The following RTBDN variants were observed in gnomAD, a reference collection of about 807,000 sequenced individuals.
RTBDN encodes the protein retbindin.
In RTBDN, 24 loss-of-function variants were observed where a neutral mutation model predicts 21.9. The ratio of observed to expected loss-of-function variants is 1.10; its 90% CI spans 0.79 to 1.54. RTBDN has a LOEUF of 1.54. Among genes scored for constraint, RTBDN ranks in the 40% most tolerant of loss-of-function variants. The pLI, the probability that RTBDN is intolerant of heterozygous loss-of-function variation, is 0.00. For missense variants in RTBDN, 325 were observed against 315.2 expected, an observed-to-expected ratio of 1.03 and a Z score of -0.23; for synonymous variants, 141 against 125.9, an observed-to-expected ratio of 1.12 and a Z score of -0.80.
intron 4 of RTBDN, 125 bp from the exon 5 acceptor site, chr19:12,826,996 A>C: frequency 1.5e-6 from 1 of 668,248 alleles, no homozygotes; most frequent in Non-Finnish European, 2.7e-6. Context: ...TTTTAGAACC[A>C]CTCCCCTGCT....
intron 1 of RTBDN, among the ~76,000 whole-genome samples, chr19:12,831,671 A>G (rs1599563408): frequency 6.6e-6 from 1 of 152,332 alleles, no homozygotes; most frequent in South Asian, 2.1e-4. Context: ...GTTCCACTGC[A>G]CTCCAGCCTG....
chr19:12,825,833 G>A lies in RTBDN; in HGVS notation c.563C>T (p.Ala188Val), dbSNP rs372483632. 5.6e-6 allele frequency: 9 copies of A among 1,613,418 alleles called. No homozygotes were observed. In the African/African-American group the frequency reaches 1.2e-4, roughly 22 times the overall value. ...TCGTCCTGGTCTGGGACGAGGTACC[G>A]CGGAGATGGAGATGTTGAAGCAGTG... is the stretch of plus-strand genomic sequence containing the variant. ...ARHCFNISIS[A>V]VPRPRPGRRG... The change falls in exon 6 of 6, where the codon GCG becomes GTG. Residue 188 changes from alanine to valine, a missense_variant. Transcript: ENST00000674343.
intron 5 of RTBDN, chr19:12,826,505 C>T: frequency 1.1e-6 from 1 of 880,618 alleles, no homozygotes; most frequent in Non-Finnish European, 1.6e-6. Context: ...ACCAGCCTGG[C>T]CAACATGGTG....
chr19:12,834,274 C>A lies in RTBDN; in HGVS notation c.-19+215G>T, dbSNP rs1281251855. Among the ~76,000 whole-genome samples, 2 of 152,176 alleles carry A rather than the reference C, an allele frequency of 1.3e-5. No individual in the cohort carries two copies. The highest frequency in any genetic ancestry group is 2.9e-5 in the Non-Finnish European group (2 of 68,002). On this transcript the variant is annotated intron_variant, in intron 1 of 5. Transcript: ENST00000674343. The surrounding 1 kb of genome is among the most constrained non-coding windows in gnomAD (Gnocchi z 4.7). ...GATCGCCTGAGGGGCGCCTGGCCCGCCCTAGGGGGATGGGGCTGGGGCCGA... is the reference window on the plus strand; with the variant it reads ...GATCGCCTGAGGGGCGCCTGGCCCGACCTAGGGGGATGGGGCTGGGGCCGA...
chr19:12,828,575 A>G (rs1969414985), intron 4 of RTBDN, 82 bp downstream of exon 4: 11 of 1,080,680 alleles, frequency 1.0e-5, no homozygotes, highest in African/African-American at 1.6e-5. Flanking sequence ...TCCCCTTTAC[A>G]CAGAAGGCCA....
In RTBDN at chr19:12,830,916, G is replaced by A. The variant is rs985301054; in HGVS notation, c.-18-919C>T. Among the ~76,000 whole-genome samples, 9 of 149,522 alleles carry A rather than the reference G, an allele frequency of 6.0e-5. No individual in the cohort carries two copies. Among genetic ancestry groups the A allele is most frequent in the Admixed American group, 2.7e-4 (4 of 14,874 alleles). ...GCCTATAGCCTGTGTGTGTTCCCAG[G>A]CACCTGTGTCTTTTGTTTGTGTGGC... is the stretch of plus-strand genomic sequence containing the variant. On this transcript the variant is annotated intron_variant, in intron 1 of 5. Transcript: ENST00000674343. The surrounding 1 kb of genome is among the most constrained non-coding windows in gnomAD (Gnocchi z 4.2).
At chr19:12,826,146 G>T (rs909801590) in intron 5 of RTBDN, 2 of 1,389,592 alleles carry the variant, frequency 1.4e-6, no homozygotes, top group African/African-American at 3.0e-5. Flanking sequence ...TCAGGGTTGG[G>T]GCAGTTGGGG....
upstream of RTBDN, chr19:12,835,081 A>G: frequency 6.2e-7 from 1 of 1,612,578 alleles, no homozygotes; most frequent in Non-Finnish European, 8.5e-7. Flanking sequence ...TCAAACCCTC[A>G]CCTAGGGCTT....
upstream of RTBDN, chr19:12,834,872 G>T: frequency 6.2e-7 from 1 of 1,613,086 alleles, no homozygotes; most frequent in Non-Finnish European, 8.5e-7. This position sits in a 1 kb window ranked among gnomAD's most constrained non-coding sequence, Gnocchi z 4.7. Context: ...GGAAGTTCAG[G>T]GTTAATACGG....
upstream of RTBDN, chr19:12,835,315 C>T (rs931604299): frequency 3.6e-6 from 2 of 556,156 alleles, no homozygotes; most frequent in East Asian, 2.9e-5. Context: ...CCCACATTCT[C>T]TCCGCCTCTC....
chr19:12,826,170 G>C, intron 5 of RTBDN: 1 of 1,378,960 alleles, frequency 7.3e-7, no homozygotes, highest in East Asian at 2.9e-5. Context: ...GCGCAGAGAG[G>C]TCTGTATCAA....
In RTBDN at chr19:12,830,770, T is replaced by A. The variant is rs1377195105; in HGVS notation, c.-18-773A>T. Reference sequence around the variant, plus strand: ...AAGGCTGGCCGACTTGGGGCTGGTGTGTATATATCCTTGTGTTTGTTTTTA... The same window carrying A: ...AAGGCTGGCCGACTTGGGGCTGGTGAGTATATATCCTTGTGTTTGTTTTTA... On this transcript the variant is annotated intron_variant, in intron 1 of 5. Transcript: ENST00000674343. The surrounding 1 kb of genome is among the most constrained non-coding windows in gnomAD (Gnocchi z 4.2). The A allele has an allele frequency of 1.7e-6, 1 of 595,078 alleles. No homozygotes were observed. Among genetic ancestry groups the A allele is most frequent in the Non-Finnish European group, 2.1e-6 (1 of 473,340 alleles). 36.9% of individuals were successfully genotyped at this position (595,078 alleles called of 1,614,324 possible).
In RTBDN at chr19:12,825,656, G is replaced by A; in HGVS notation, c.*50C>T. On this transcript the variant is annotated 3_prime_UTR_variant, in exon 6 of 6. Transcript: ENST00000674343. The stretch of plus-strand genomic sequence containing the variant: ...GGGGTGGGGTTCTGGGTGTCCTGAG[G>A]GGCGGGGCTGGGGGAAGGGTCGCTC... 1 of 1,531,460 alleles carries A rather than the reference G, an allele frequency of 6.5e-7. No homozygotes were observed. The allele number at this position is 1,531,460 out of a possible 1,614,324, so 94.9% of individuals were successfully genotyped here.
At chr19:12,827,607 G>T (rs1969365874) in intron 4 of RTBDN, among the ~76,000 whole-genome samples, 1 of 151,956 alleles carries the variant, frequency 6.6e-6, no homozygotes, top group Admixed American at 6.6e-5. Context: ...ACAAGCATGA[G>T]CCACTACGTC....
chr19:12,834,972 G>A, upstream of RTBDN: 2 of 1,545,588 alleles, frequency 1.3e-6, no homozygotes, highest in African/African-American at 1.4e-5. The surrounding 1 kb of genome is among the most constrained non-coding windows in gnomAD (Gnocchi z 4.7). Flanking sequence ...AGCCTCCTTG[G>A]GGCTCAGCCC....
chr19:12,826,422 G>A lies in RTBDN; in HGVS notation c.462+353C>T, dbSNP rs529112099. ...AAAGAACTTGGTGGGGGCCGGGGGC[G>A]GTGGCTCACACCTGTAATCCCAACA... On this transcript the variant is annotated intron_variant, in intron 5 of 5. Transcript: ENST00000674343. The A allele has an allele frequency of 1.6e-5, 20 of 1,259,672 alleles. No individual in the cohort carries two copies. In the East Asian group the frequency reaches 7.7e-4, roughly 48 times the overall value. 78.0% of individuals were successfully genotyped at this position (1,259,672 alleles called of 1,614,324 possible).
intron 4 of RTBDN, among the ~76,000 whole-genome samples, chr19:12,827,160 T>C (rs937625835): frequency 4.6e-5 from 7 of 152,040 alleles, no homozygotes; most frequent in African/African-American, 1.7e-4. Flanking sequence ...CGTTTTCCTT[T>C]TATTTATTTT....
At chr19:12,826,261 C>T in intron 5 of RTBDN, 1 of 1,258,254 alleles carries the variant, frequency 7.9e-7, no homozygotes, top group African/African-American at 1.6e-5. Flanking sequence ...GGAATGGTTT[C>T]TTGGGAAGGG....
intron 5 of RTBDN, 134 bp from the exon 6 acceptor site, chr19:12,826,067 G>T: frequency 7.1e-7 from 1 of 1,415,940 alleles, no homozygotes. Context: ...GGGAGTCTAT[G>T]TGCGGAACGT....
Sources: gnomAD v4.1 joint callset for allele counts (sites outside exome capture counted in the v4.1 genomes callset) on GRCh38, gnomAD v4.1.1 for gene constraint, Gnocchi (gnomAD v3.1) non-coding constraint, MANE v1.5 for transcripts, NCBI Gene and HGNC (gene_info 2026-07-23, HGNC 2026-07-21) for gene names.